The following TNNI3K variants were observed in gnomAD, a reference collection of about 807,000 sequenced individuals.
TNNI3K encodes the protein TNNI3 interacting kinase.
A neutral mutation model predicts 114.5 loss-of-function variants in TNNI3K; 140 were observed. That is an observed-to-expected ratio of 1.22 (90% CI 1.07 to 1.41). The LOEUF is 1.41. TNNI3K is among the 40% of genes most tolerant of loss of function. The probability of loss-of-function intolerance (pLI) is 0.00; values close to 1 mark genes in which losing one functional copy is unlikely to be tolerated. For synonymous variants in TNNI3K, 347 were observed against 347.5 expected, an observed-to-expected ratio of 1.00 and a Z score of 0.02; for missense variants, 1,125 against 1,007.6, an observed-to-expected ratio of 1.12 and a Z score of -1.58.
chr1:74,544,163 A>T lies in TNNI3K; in HGVS notation c.*181A>T, dbSNP rs1296268253. 1.7e-6 allele frequency: 1 copy of T among 574,374 alleles called. No homozygotes were observed. The highest frequency in any genetic ancestry group is 3.3e-5 in the East Asian group (1 of 30,542). The allele number at this position is 574,374 out of a possible 1,614,324, so 35.6% of individuals were successfully genotyped here. ...GCAGGCTTTGGATTTGTGCCTAAGGAATAATATGCAAAAGAACCAAGACAG... is the reference window on the plus strand; with the variant it reads ...GCAGGCTTTGGATTTGTGCCTAAGGTATAATATGCAAAAGAACCAAGACAG... On this transcript the variant is annotated 3_prime_UTR_variant, in exon 25 of 25. Coordinates refer to ENST00000326637, the MANE Select transcript of TNNI3K (RefSeq NM_015978.3).
At chr1:74,540,376 G>T in intron 24 of TNNI3K, 63 bp downstream of exon 24, 2 of 1,479,652 alleles carry the variant, frequency 1.4e-6, no homozygotes, top group South Asian at 2.4e-5. Context: ...ATGTCTATTT[G>T]ACAAAAAGGG....
intron 5 of TNNI3K, among the ~76,000 whole-genome samples, chr1:74,330,782 T>G (rs1660161722): frequency 6.6e-6 from 1 of 152,122 alleles, no homozygotes; most frequent in Admixed American, 6.5e-5. Flanking sequence ...CAGTTCCTGG[T>G]AGGGTTTTTC....
At chr1:74,491,632 G>T (rs1246829709) in intron 22 of TNNI3K, among the ~76,000 whole-genome samples, 1 of 152,142 alleles carries the variant, frequency 6.6e-6, no homozygotes, top group African/African-American at 2.4e-5. Flanking sequence ...ACACATTAAA[G>T]CATTTTTCGT....
At chr1:74,426,558 A>G (rs1570605914) in intron 17 of TNNI3K, among the ~76,000 whole-genome samples, 1 of 151,944 alleles carries the variant, frequency 6.6e-6, no homozygotes, top group South Asian at 2.1e-4. Context: ...CAAAATGTCA[A>G]TGGCATCTCT....
intron 23 of TNNI3K, among the ~76,000 whole-genome samples, chr1:74,508,385 A>T (rs965057147): frequency 3.9e-5 from 6 of 152,228 alleles, no homozygotes; most frequent in African/African-American, 1.4e-4. Context: ...TTTAATCTTC[A>T]TAAAAATAAA....
intron 17 of TNNI3K, chr1:74,373,222 G>A (rs1396303292): frequency 1.3e-5 from 2 of 151,870 alleles, no homozygotes; most frequent in African/African-American, 4.8e-5. Flanking sequence ...TCAAAATGAT[G>A]AAAGAGCAAC....
At chr1:74,299,742 T>C (rs1309639260) in intron 5 of TNNI3K, among the ~76,000 whole-genome samples, 1 of 152,114 alleles carries the variant, frequency 6.6e-6, no homozygotes, top group Non-Finnish European at 1.5e-5. Flanking sequence ...AGAAAAATAC[T>C]AGCAGTTTTA....
chr1:74,385,528 G>A (rs563942470), intron 17 of TNNI3K, among the ~76,000 whole-genome samples: 1 of 152,150 alleles, frequency 6.6e-6, no homozygotes, highest in African/African-American at 2.4e-5. Flanking sequence ...ACCTTAAAAG[G>A]GAGAAATAAT....
intron 22 of TNNI3K, among the ~76,000 whole-genome samples, chr1:74,490,660 C>T (rs1669022830): frequency 1.3e-5 from 2 of 152,140 alleles, no homozygotes; most frequent in Admixed American, 6.5e-5. Context: ...TTGACTTGCG[C>T]AGTTTCATAA....
intron 5 of TNNI3K, 43 bp from the exon 6 acceptor site, chr1:74,331,407 T>C: frequency 3.1e-6 from 5 of 1,590,226 alleles, no homozygotes; most frequent in Non-Finnish European, 4.3e-6. Context: ...AATAGGCAGA[T>C]AACTCAACTG....
chr1:74,439,297 C>T, intron 19 of TNNI3K, 193 bp from the exon 20 acceptor site: 1 of 728,532 alleles, frequency 1.4e-6, no homozygotes, highest in Non-Finnish European at 1.9e-6. Flanking sequence ...TGAACAGCCA[C>T]AGTAAACACA....
intron 17 of TNNI3K, among the ~76,000 whole-genome samples, chr1:74,413,860 A>T (rs1363924957): frequency 6.6e-6 from 1 of 152,310 alleles, no homozygotes; most frequent in Non-Finnish European, 1.5e-5. Flanking sequence ...AGTTGCAATC[A>T]GTTCTTTTAA....
chr1:74,509,569 T>C (rs1670073332), intron 23 of TNNI3K, among the ~76,000 whole-genome samples: 1 of 152,032 alleles, frequency 6.6e-6, no homozygotes, highest in Admixed American at 6.6e-5. Context: ...TTTTATCAGA[T>C]TAACATAGAG....
chr1:74,378,185 T>C (rs1663004258), intron 17 of TNNI3K, among the ~76,000 whole-genome samples: 1 of 152,004 alleles, frequency 6.6e-6, no homozygotes, highest in Non-Finnish European at 1.5e-5. Flanking sequence ...TGTAATCTGA[T>C]TTCAGATTTT....
intron 17 of TNNI3K, 105 bp downstream of exon 17, chr1:74,370,497 CTG>C (rs1362547877): frequency 2.1e-6 from 2 of 975,246 alleles, no homozygotes; most frequent in Admixed American, 2.9e-5. Flanking sequence ...TCAGGGTACT[CTG>C]TGGTTAAGAG....
chr1:74,384,398 A>G (rs1171959002), intron 17 of TNNI3K, among the ~76,000 whole-genome samples: 1 of 152,178 alleles, frequency 6.6e-6, no homozygotes, highest in African/African-American at 2.4e-5. Context: ...AAGTTAGTCA[A>G]ACAAACTCGT....
At chr1:74,441,864 C>T (rs1666388125) in intron 20 of TNNI3K, among the ~76,000 whole-genome samples, 1 of 152,044 alleles carries the variant, frequency 6.6e-6, no homozygotes, top group Non-Finnish European at 1.5e-5. Flanking sequence ...GGGAGAAGTA[C>T]TTTATCTGCT....
At chr1:74,350,486 A>G (rs111829527) in intron 9 of TNNI3K, among the ~76,000 whole-genome samples, 8 of 152,020 alleles carry the variant, frequency 5.3e-5, no homozygotes, top group Non-Finnish European at 8.8e-5. Flanking sequence ...TATTAGGTCC[A>G]CTTGGTGCAG....
At chr1:74,427,604 C>G (rs1175213234) in intron 17 of TNNI3K, among the ~76,000 whole-genome samples, 2 of 151,918 alleles carry the variant, frequency 1.3e-5, no homozygotes, top group East Asian at 3.9e-4. Flanking sequence ...CTCCCTTTCT[C>G]AATTTTAAAT....
Sources: allele counts gnomAD v4.1 joint callset (sites outside exome capture counted in the v4.1 genomes callset), GRCh38; gene constraint gnomAD v4.1.1; transcripts MANE v1.5; gene names NCBI Gene and HGNC (gene_info 2026-07-23, HGNC 2026-07-21).